Variants in MYO3B observed in about 807,000 individuals in gnomAD.
MYO3B encodes the protein myosin IIIB, also known as myosin-IIIb.
A neutral mutation model predicts 174.6 loss-of-function variants in MYO3B; 156 were observed. That is an observed-to-expected ratio of 0.89 (90% confidence interval 0.78 to 1.02). The LOEUF (loss-of-function observed/expected upper bound fraction) is 1.02. MYO3B is among the 50% of genes least tolerant of loss of function. The pLI, the probability that MYO3B is intolerant of heterozygous loss-of-function variation, is 0.00. For synonymous variants in MYO3B, 563 were observed against 569.1 expected, an observed-to-expected ratio of 0.99 and a Z score of 0.15; for missense variants, 1,632 against 1,639.4, an observed-to-expected ratio of 1.00 and a Z score of 0.08.
chr2:170,471,261 G>T (rs954695521), intron 25 of MYO3B, among the ~76,000 whole-genome samples: 16 of 151,918 alleles, frequency 1.1e-4, no homozygotes, highest in African/African-American at 3.4e-4. Flanking sequence ...TGTTGGTCAG[G>T]GTGGTCTCGA....
intron 1 of MYO3B, among the ~76,000 whole-genome samples, chr2:170,179,178 C>T (rs1181887301): frequency 6.6e-6 from 1 of 151,988 alleles, no homozygotes; most frequent in Non-Finnish European, 1.5e-5. Context: ...CAAACCTGCA[C>T]GTCCTGCACA....
At chr2:170,548,726 G>C (rs986377987) in intron 32 of MYO3B, among the ~76,000 whole-genome samples, 4 of 152,198 alleles carry the variant, frequency 2.6e-5, no homozygotes, top group Admixed American at 2.6e-4. Context: ...GTATCTAGGG[G>C]CATGATTATT....
At chr2:170,219,645 CA>C (rs1157876323) in intron 6 of MYO3B, among the ~76,000 whole-genome samples, 3,531 of 126,948 alleles carry the variant, frequency 0.028, 36 homozygotes, top group Middle Eastern at 0.062. Flanking sequence ...CTCTGTCTCT[CA>C]AAAAAAAAAA....
intron 22 of MYO3B, among the ~76,000 whole-genome samples, chr2:170,419,132 C>A (rs2094599345): frequency 6.6e-6 from 1 of 152,160 alleles, no homozygotes. Context: ...AAAGATGTAG[C>A]CAGTCTGGCA....
intron 7 of MYO3B, among the ~76,000 whole-genome samples, chr2:170,309,145 C>A (rs1348877471): frequency 6.6e-6 from 1 of 152,094 alleles, no homozygotes; most frequent in East Asian, 1.9e-4. Context: ...TAAAATGCCA[C>A]AAAGTATGTG....
Position 170,266,505 on chromosome 2 carries a change from T to G in MYO3B, c.749+30369T>G, listed in dbSNP as rs143437132. Among the ~76,000 whole-genome samples, 225 of 152,288 alleles carry G rather than the reference T, an allele frequency of 1.5e-3. 2 individuals carry two copies. The highest frequency in any genetic ancestry group is 5.2e-3 in the African/African-American group (217 of 41,570). ...TTAAGGTCATTCTTTCAATGGCTGA[T>G]CTATTTCTTAACAGTTTTTGTCAAA... On this transcript the variant is annotated intron_variant, in intron 7 of 34. Coordinates refer to ENST00000408978, the MANE Select transcript of MYO3B (RefSeq NM_138995.5).
intron 3 of MYO3B, among the ~76,000 whole-genome samples, chr2:170,213,958 G>A (rs963751873): frequency 6.6e-6 from 1 of 151,910 alleles, no homozygotes; most frequent in Non-Finnish European, 1.5e-5. Flanking sequence ...TGCCTCTCCC[G>A]GTTTTTCCTT....
chr2:170,191,636 C>G (rs1384919216), intron 1 of MYO3B, among the ~76,000 whole-genome samples: 1 of 152,162 alleles, frequency 6.6e-6, no homozygotes, highest in Non-Finnish European at 1.5e-5. Flanking sequence ...CAAAGTTCCC[C>G]AATCACTGTG....
intron 31 of MYO3B, among the ~76,000 whole-genome samples, chr2:170,543,654 GT>G: frequency 6.6e-6 from 1 of 152,248 alleles, no homozygotes; most frequent in East Asian, 1.9e-4. Context: ...AGGTTGACTC[GT>G]TCTGAGGAAG....
chr2:170,200,341 A>AGGG (rs2092647752), intron 3 of MYO3B, 57 bp downstream of exon 3: 1 of 1,572,878 alleles, frequency 6.4e-7, no homozygotes, highest in Non-Finnish European at 8.6e-7. Flanking sequence ...AGGCCAACAG[A>AGGG]TGCTTTATTA....
At chr2:170,408,438 C>G (rs185123230) in intron 22 of MYO3B, 1 of 152,424 alleles carries the variant, frequency 6.6e-6, no homozygotes, top group African/African-American at 2.4e-5. Context: ...GAAACTAGGG[C>G]CAAAGAACAG....
At chr2:170,253,972 C>T (rs529044763) in intron 7 of MYO3B, among the ~76,000 whole-genome samples, 1 of 152,040 alleles carries the variant, frequency 6.6e-6, no homozygotes, top group South Asian at 2.1e-4. Context: ...ACAAAATATG[C>T]AGTAAATCAT....
At chr2:170,350,688 A>T (rs529951085) in intron 8 of MYO3B, 1 of 152,158 alleles carries the variant, frequency 6.6e-6, no homozygotes, top group African/African-American at 2.4e-5. Flanking sequence ...TGGCAGGGGG[A>T]AAAAAGATTA....
chr2:170,645,468 CAAAAAAA>C (rs55720994), intron 32 of MYO3B, among the ~76,000 whole-genome samples: 11 of 66,400 alleles, frequency 1.7e-4, no homozygotes, highest in African/African-American at 3.7e-4. Context: ...GGCTCCGTCT[CAAAAAAA>C]AAAAAAAAAA....
chr2:170,442,555 C>A (rs1015282275), intron 22 of MYO3B, among the ~76,000 whole-genome samples: 79 of 148,044 alleles, frequency 5.3e-4, no homozygotes, highest in African/African-American at 1.8e-3. Context: ...GCACAACGTG[C>A]AGGTTTGTTA....
intron 6 of MYO3B, among the ~76,000 whole-genome samples, chr2:170,230,830 C>T (rs968276245): frequency 1.3e-5 from 2 of 152,052 alleles, no homozygotes; most frequent in Non-Finnish European, 2.9e-5. Context: ...AGCAGTGCTT[C>T]GGATGAGGCC....
At chr2:170,489,669 C>G (rs4668262) in intron 25 of MYO3B, among the ~76,000 whole-genome samples, 3,086 of 88,650 alleles carry the variant, frequency 0.035, 85 homozygotes, top group African/African-American at 0.097. Context: ...GTGTGTGTGT[C>G]TGGGTAAGTG....
chr2:170,276,960 A>G lies in MYO3B; in HGVS notation c.749+40824A>G, dbSNP rs75307452. Reference sequence around the variant, plus strand: ...ATGGATTATATAATAAATGGGCTCTAAAGGTAAATTGTTATTATTCAAAAC... The same window carrying G: ...ATGGATTATATAATAAATGGGCTCTGAAGGTAAATTGTTATTATTCAAAAC... On this transcript the variant is annotated intron_variant, in intron 7 of 34. Coordinates refer to ENST00000408978, the MANE Select transcript of MYO3B (RefSeq NM_138995.5). 4.7e-4 allele frequency among the ~76,000 whole-genome samples: 71 copies of G among 152,308 alleles called. 1 individual carries two copies. In the East Asian group the frequency reaches 0.01, roughly 22 times the overall value.
At chr2:170,237,212 G>A (rs1327808121) in intron 7 of MYO3B, among the ~76,000 whole-genome samples, 3 of 152,150 alleles carry the variant, frequency 2.0e-5, no homozygotes, top group African/African-American at 7.2e-5. Flanking sequence ...CATTCAAAAG[G>A]ATATAAGAAT....
Sources: gnomAD v4.1 joint callset for allele counts (sites outside exome capture counted in the v4.1 genomes callset) on GRCh38, gnomAD v4.1.1 for gene constraint, MANE v1.5 for transcripts, NCBI Gene and HGNC (gene_info 2026-07-23, HGNC 2026-07-21) for gene names.